The following COMMD10 variants were observed in gnomAD, a reference collection of about 807,000 sequenced individuals.
COMMD10 encodes the protein COMM domain containing 10.
COMMD10 carries 33 observed loss-of-function variants against 28.9 expected under a neutral mutation model. The ratio of observed to expected loss-of-function variants is 1.14; its 90% CI spans 0.87 to 1.53. The LOEUF (loss-of-function observed/expected upper bound fraction) is 1.53. Ranked by LOEUF, COMMD10 falls within the 40% of genes most tolerant of loss-of-function variation. The pLI is 0.00. For synonymous variants in COMMD10, 110 were observed against 81.7 expected (o/e 1.35, Z -1.87); for missense variants, 310 against 233.4 (o/e 1.33, Z -2.14).
chr5:116,145,499 A>G (rs952073534), intron 5 of COMMD10, among the ~76,000 whole-genome samples: 2 of 151,858 alleles, frequency 1.3e-5, no homozygotes, highest in African/African-American at 4.8e-5. Context: ...AAATTGGGCC[A>G]GGTGGAAAGT....
chr5:116,125,098 G>A (rs1300716528), intron 4 of COMMD10, among the ~76,000 whole-genome samples: 2 of 152,088 alleles, frequency 1.3e-5, no homozygotes, highest in African/African-American at 4.8e-5. Flanking sequence ...CTGTCGTTAT[G>A]ATGTTACCTG....
intron 5 of COMMD10, among the ~76,000 whole-genome samples, chr5:116,183,209 A>T (rs1003532912): frequency 6.6e-6 from 1 of 152,152 alleles, no homozygotes; most frequent in Non-Finnish European, 1.5e-5. Context: ...TATAATATCT[A>T]ACATTATATT....
At chr5:116,222,360 A>G (rs551974911) in intron 5 of COMMD10, among the ~76,000 whole-genome samples, 1 of 152,314 alleles carries the variant, frequency 6.6e-6, no homozygotes, top group African/African-American at 2.4e-5. Flanking sequence ...TGGTAAAAAC[A>G]TGGAATCTTT....
At chr5:116,090,391 G>A (rs1750257313) in intron 2 of COMMD10, among the ~76,000 whole-genome samples, 1 of 152,168 alleles carries the variant, frequency 6.6e-6, no homozygotes, top group African/African-American at 2.4e-5. Flanking sequence ...GTTTGCATTG[G>A]GAAATGCTGA....
chr5:116,204,360 T>G (rs571797525), intron 5 of COMMD10, among the ~76,000 whole-genome samples: 9 of 152,328 alleles, frequency 5.9e-5, no homozygotes, highest in Admixed American at 5.2e-4. Flanking sequence ...ATGGTTCATA[T>G]AGGGAAATAT....
rs535631159 is a variant in COMMD10 at position 116,237,657 on chromosome 5, G to C, written c.511-53860G>C. ...AGACCCTGCTTCTAGAAAAAAAAGAGGCAAGATTTTTAAGCTGAAGTACTC... is the reference window on the plus strand; with the variant it reads ...AGACCCTGCTTCTAGAAAAAAAAGACGCAAGATTTTTAAGCTGAAGTACTC... On this transcript the variant is annotated intron_variant, in intron 5 of 6. Transcript: ENST00000274458. 3.0e-4 allele frequency among the ~76,000 whole-genome samples: 45 copies of C among 152,158 alleles called. No individual in the cohort carries two copies. In the South Asian group the frequency reaches 8.9e-3, roughly 30 times the overall value.
At chr5:116,233,608 T>A (rs2112656753) in intron 5 of COMMD10, among the ~76,000 whole-genome samples, 1 of 152,280 alleles carries the variant, frequency 6.6e-6, no homozygotes, top group Admixed American at 6.5e-5. Context: ...AAGACCTCAC[T>A]GATAAGGTGA....
At chr5:116,126,341 C>G (rs1031785770) in intron 4 of COMMD10, among the ~76,000 whole-genome samples, 3 of 152,122 alleles carry the variant, frequency 2.0e-5, no homozygotes, top group Non-Finnish European at 4.4e-5. Flanking sequence ...TGAAAATGGC[C>G]ATACTGCCCA....
At chr5:116,261,943 CTT>C (rs1750458307) in intron 5 of COMMD10, among the ~76,000 whole-genome samples, 1 of 151,616 alleles carries the variant, frequency 6.6e-6, no homozygotes, top group South Asian at 2.1e-4. Context: ...TACTTTGTAT[CTT>C]TGACTATTCT....
At chr5:116,184,205 C>T (rs1051621349) in intron 5 of COMMD10, among the ~76,000 whole-genome samples, 1 of 127,746 alleles carries the variant, frequency 7.8e-6, no homozygotes, top group Non-Finnish European at 1.9e-5. Context: ...CTATGTGGTT[C>T]TTAGTTCTGT....
chr5:116,098,071 T>G (rs1329668746), intron 4 of COMMD10, among the ~76,000 whole-genome samples: 1 of 152,188 alleles, frequency 6.6e-6, no homozygotes, highest in Non-Finnish European at 1.5e-5. Flanking sequence ...ATTAGTCACT[T>G]TATCATATTA....
chr5:116,207,009 G>T (rs1748830492), intron 5 of COMMD10, among the ~76,000 whole-genome samples: 1 of 152,034 alleles, frequency 6.6e-6, no homozygotes, highest in African/African-American at 2.4e-5. Flanking sequence ...ATTTTAATAG[G>T]CTTTTTTATT....
chr5:116,215,846 C>G (rs1052122086), intron 5 of COMMD10, among the ~76,000 whole-genome samples: 2 of 149,876 alleles, frequency 1.3e-5, no homozygotes, highest in African/African-American at 4.9e-5. Flanking sequence ...AATGTGGAGT[C>G]TTCTTTTAAA....
chr5:116,113,195 A>G (rs569443038), intron 4 of COMMD10, among the ~76,000 whole-genome samples: 1 of 152,044 alleles, frequency 6.6e-6, no homozygotes, highest in African/African-American at 2.4e-5. Context: ...TGTTAGTTTG[A>G]TGGACTTTCC....
At chr5:116,166,797 T>A (rs2112574681) in intron 5 of COMMD10, among the ~76,000 whole-genome samples, 1 of 151,914 alleles carries the variant, frequency 6.6e-6, no homozygotes, top group African/African-American at 2.4e-5. Flanking sequence ...AGGAATAGAA[T>A]CAACATCAAC....
At chr5:116,205,146 A>G (rs138129557) in intron 5 of COMMD10, among the ~76,000 whole-genome samples, 3 of 152,312 alleles carry the variant, frequency 2.0e-5, no homozygotes, top group Admixed American at 1.3e-4. Context: ...TCTTAAAGCA[A>G]TAATAAATAT....
intron 5 of COMMD10, among the ~76,000 whole-genome samples, chr5:116,191,599 G>A (rs1472732290): frequency 2.0e-5 from 3 of 151,780 alleles, no homozygotes; most frequent in Non-Finnish European, 4.4e-5. Context: ...TAGTGACCTG[G>A]GAATCTCACC....
intron 5 of COMMD10, among the ~76,000 whole-genome samples, chr5:116,229,895 A>G (rs529440983): frequency 6.6e-6 from 1 of 152,076 alleles, no homozygotes; most frequent in South Asian, 2.1e-4. Flanking sequence ...AATATCCTTT[A>G]TTTTATTTAT....
intron 5 of COMMD10, among the ~76,000 whole-genome samples, chr5:116,268,901 A>G (rs1165522592): frequency 6.6e-6 from 1 of 151,504 alleles, no homozygotes; most frequent in Non-Finnish European, 1.5e-5. Context: ...GAACAATGAG[A>G]ACACTTGGAC....
Sources: gnomAD v4.1 joint callset for allele counts (sites outside exome capture counted in the v4.1 genomes callset) on GRCh38, gnomAD v4.1.1 for gene constraint, MANE v1.5 for transcripts, NCBI Gene and HGNC (gene_info 2026-07-23, HGNC 2026-07-21) for gene names.